The following WNT9A variants were observed in gnomAD, a reference collection of about 807,000 sequenced individuals.
WNT9A encodes Wnt family member 9A.
Under a neutral mutation model 31.4 loss-of-function variants are expected in WNT9A, and 8 were observed. The ratio of observed to expected loss-of-function variants is 0.26; its 90% CI spans 0.15 to 0.46. WNT9A has a LOEUF of 0.46. Among genes scored for constraint, WNT9A ranks in the 20% least tolerant of loss-of-function variants. The pLI is 0.99. For synonymous variants in WNT9A, 236 were observed against 220.1 expected, an observed-to-expected ratio of 1.07 and a Z score of -0.64; for missense variants, 457 against 522.9, an observed-to-expected ratio of 0.87 and a Z score of 1.23.
intron 2 of WNT9A, 129 bp from the exon 3 acceptor site, chr1:227,924,529 C>G: frequency 7.3e-7 from 1 of 1,364,732 alleles, no homozygotes; most frequent in Non-Finnish European, 9.9e-7. Flanking sequence ...TGGTGCTGCA[C>G]TCGGGACAGG....
intron 1 of WNT9A, among the ~76,000 whole-genome samples, chr1:227,930,505 ACACAT>A (rs2102722600): frequency 1.3e-5 from 2 of 152,318 alleles, no homozygotes; most frequent in South Asian, 4.1e-4. Flanking sequence ...ACACACCACC[ACACAT>A]CAGCCTGGGT....
intron 3 of WNT9A, among the ~76,000 whole-genome samples, chr1:227,923,230 C>T (rs1462744569): frequency 1.3e-5 from 2 of 152,100 alleles, no homozygotes; most frequent in African/African-American, 4.8e-5. Flanking sequence ...ACAGCAGGGC[C>T]GGCTCTATTT....
At chr1:227,947,689 G>T in intron 1 of WNT9A, 104 bp downstream of exon 1, 3 of 643,078 alleles carry the variant, frequency 4.7e-6, no homozygotes, top group South Asian at 6.7e-5. Flanking sequence ...GCCCCGCCGC[G>T]CCCCGGCCCC....
intron 3 of WNT9A, among the ~76,000 whole-genome samples, chr1:227,922,289 T>C (rs975362137): frequency 6.6e-6 from 1 of 152,198 alleles, no homozygotes; most frequent in Non-Finnish European, 1.5e-5. Context: ...CTGCCTGATG[T>C]CCACCCTGCG....
intron 1 of WNT9A, among the ~76,000 whole-genome samples, chr1:227,945,440 C>G (rs1666779376): frequency 6.6e-6 from 1 of 152,282 alleles, no homozygotes; most frequent in East Asian, 1.9e-4. Context: ...AGGAGGGCAG[C>G]GGGCGCCAGC....
At chr1:227,922,271 G>A (rs1004419689) in intron 3 of WNT9A, among the ~76,000 whole-genome samples, 2 of 152,212 alleles carry the variant, frequency 1.3e-5, no homozygotes, top group African/African-American at 4.8e-5. Flanking sequence ...CTCCACAATG[G>A]GAGGCTCCTG....
chr1:227,924,418 C>G lies in WNT9A; in HGVS notation c.353-18G>C. 1.2e-6 allele frequency: 2 copies of G among 1,603,952 alleles called. No individual in the cohort carries two copies. Among genetic ancestry groups the G allele is most frequent in the Admixed American group, 1.7e-5 (1 of 59,764 alleles). On this transcript the variant is annotated intron_variant, in intron 2 of 3. Transcript: ENST00000272164. The stretch of plus-strand genomic sequence containing the variant: ...CTTGAAGCCTGGGGTTGGCAAGGGC[C>G]GATCAGTGAGCCCAGGCTGCCCAGA...
intron 1 of WNT9A, among the ~76,000 whole-genome samples, chr1:227,934,848 C>T (rs937475208): frequency 2.0e-5 from 3 of 151,300 alleles, no homozygotes; most frequent in African/African-American, 7.3e-5. Flanking sequence ...GAGTCATAGC[C>T]TCAGGTAAGC....
intron 1 of WNT9A, among the ~76,000 whole-genome samples, chr1:227,946,274 CCAAGACCCAG>C (rs1354639563): frequency 6.6e-6 from 1 of 152,240 alleles, no homozygotes; most frequent in Non-Finnish European, 1.5e-5. Context: ...GAAGGAGAGG[CCAAGACCCAG>C]CGCCACCCCG....
Position 227,925,650 on chromosome 1 carries a change from A to T in WNT9A, c.96-131T>A, listed in dbSNP as rs948257802. On this transcript the variant is annotated intron_variant, in intron 1 of 3. Transcript: ENST00000272164. The surrounding 1 kb of genome is among the most constrained non-coding windows in gnomAD (Gnocchi z 6.0). The stretch of plus-strand genomic sequence containing the variant: ...GGTGAGGGGGCAGAAAGAATCCAGG[A>T]TGAGCCAGGCAGGGGAGAGGGAGGC... The T allele has an allele frequency of 6.6e-6, 9 of 1,362,474 alleles. No individual in the cohort carries two copies. Among genetic ancestry groups the T allele is most frequent in the Non-Finnish European group, 7.7e-6 (8 of 1,040,200 alleles). The allele number at this position is 1,362,474 out of a possible 1,614,324, so 84.4% of individuals were successfully genotyped here.
In WNT9A at chr1:227,926,850, C is replaced by T. The variant is rs1434277976; in HGVS notation, c.96-1331G>A. Among the ~76,000 whole-genome samples, 1 of 152,048 alleles carries T rather than the reference C, an allele frequency of 6.6e-6. No individual in the cohort carries two copies. Among genetic ancestry groups the T allele is most frequent in the Non-Finnish European group, 1.5e-5 (1 of 67,978 alleles). The stretch of plus-strand genomic sequence containing the variant: ...CCCCGAGGGAGTAGCTCCTGCCCAA[C>T]GGTATGGAGGGGAGGGGCCCAAGAG... On this transcript the variant is annotated intron_variant, in intron 1 of 3. Transcript: ENST00000272164. This position sits in a 1 kb window ranked among gnomAD's most constrained non-coding sequence, Gnocchi z 5.0.
Position 227,926,780 on chromosome 1 carries a change from G to A in WNT9A, c.96-1261C>T, listed in dbSNP as rs946415989. On this transcript the variant is annotated intron_variant, in intron 1 of 3. Coordinates refer to ENST00000272164, the MANE Select transcript of WNT9A (RefSeq NM_003395.4). This position sits in a 1 kb window ranked among gnomAD's most constrained non-coding sequence, Gnocchi z 5.0. ...GCCACCGGGGTGCCAGCTTGGGAAG[G>A]CTCCCCCCACACCCTCACATGGCCC... Among the ~76,000 whole-genome samples, 2 of 151,982 alleles carry A rather than the reference G, an allele frequency of 1.3e-5. No individual in the cohort carries two copies. Among genetic ancestry groups the A allele is most frequent in the Non-Finnish European group, 2.9e-5 (2 of 67,962 alleles).
chr1:227,935,101 A>G (rs1666571145), intron 1 of WNT9A, among the ~76,000 whole-genome samples: 1 of 151,350 alleles, frequency 6.6e-6, no homozygotes, highest in African/African-American at 2.4e-5. Flanking sequence ...AGTTTGCCAT[A>G]CAGATCCTGA....
In WNT9A at chr1:227,921,236, GC is replaced by G. The variant is rs1666306604; in HGVS notation, c.*281del. On this transcript the variant is annotated 3_prime_UTR_variant, in exon 4 of 4. Coordinates refer to ENST00000272164, the MANE Select transcript of WNT9A (RefSeq NM_003395.4). ...TGCCATGTGCAGCAGGGCTGACTGG[GC>G]CCAGGGATTCAGCCTTGGCAGGTGT... 2 of 453,208 alleles carry G rather than the reference GC, an allele frequency of 4.4e-6. No individual in the cohort carries two copies. Among genetic ancestry groups the G allele is most frequent in the Non-Finnish European group, 7.9e-6 (2 of 253,568 alleles). 28.1% of individuals were successfully genotyped at this position (453,208 alleles called of 1,614,324 possible).
chr1:227,930,412 T>C (rs1026595671), intron 1 of WNT9A, among the ~76,000 whole-genome samples: 5 of 152,172 alleles, frequency 3.3e-5, no homozygotes, highest in African/African-American at 9.7e-5. Flanking sequence ...GGGGCACAGA[T>C]GGCCTATCCA....
Position 227,928,927 on chromosome 1 carries a change from G to A in WNT9A, c.96-3408C>T, listed in dbSNP as rs1367627285. ...AAGAACAAAAAAGAGGCAGCGCAGA[G>A]TCCAGAGACCAACAGACAAATTACA... On this transcript the variant is annotated intron_variant, in intron 1 of 3. Coordinates refer to ENST00000272164, the MANE Select transcript of WNT9A (RefSeq NM_003395.4). The surrounding 1 kb of genome is among the most constrained non-coding windows in gnomAD (Gnocchi z 4.5). Among the ~76,000 whole-genome samples the A allele has an allele frequency of 6.6e-6, 1 of 152,230 alleles. No homozygotes were observed. Among genetic ancestry groups the A allele is most frequent in the Non-Finnish European group, 1.5e-5 (1 of 68,040 alleles).
In WNT9A at chr1:227,926,391, C is replaced by T. The variant is rs191083277; in HGVS notation, c.96-872G>A. On this transcript the variant is annotated intron_variant, in intron 1 of 3. Coordinates refer to ENST00000272164, the MANE Select transcript of WNT9A (RefSeq NM_003395.4). The surrounding 1 kb of genome is among the most constrained non-coding windows in gnomAD (Gnocchi z 5.0). ...CTGGCTGCTGGCTCACCTGCTGCTG[C>T]TGCTGGGCTCACTTCACAAGGCTTC... 3.3e-5 allele frequency among the ~76,000 whole-genome samples: 5 copies of T among 152,200 alleles called. No individual in the cohort carries two copies. The highest frequency in any genetic ancestry group is 9.6e-5 in the African/African-American group (4 of 41,528).
At chr1:227,940,302 C>T (rs369632101) in intron 1 of WNT9A, among the ~76,000 whole-genome samples, 8 of 152,186 alleles carry the variant, frequency 5.3e-5, no homozygotes, top group African/African-American at 1.4e-4. Flanking sequence ...CAGGACCCCC[C>T]GGGGGAAAGG....
At chr1:227,946,520 CCCAGGG>C (rs1459034203) in intron 1 of WNT9A, among the ~76,000 whole-genome samples, 2 of 152,228 alleles carry the variant, frequency 1.3e-5, no homozygotes, top group Non-Finnish European at 2.9e-5. Flanking sequence ...CCAGCCCAGG[CCCAGGG>C]CCGTACCCAC....
Sources: gnomAD v4.1 joint callset for allele counts (sites outside exome capture counted in the v4.1 genomes callset) on GRCh38, gnomAD v4.1.1 for gene constraint, Gnocchi (gnomAD v3.1) non-coding constraint, MANE v1.5 for transcripts, NCBI Gene and HGNC (gene_info 2026-07-23, HGNC 2026-07-21) for gene names.